Variants in EMID1 observed in about 807,000 individuals in gnomAD.
The protein encoded by EMID1 is EMI domain-containing protein 1.
Under a neutral mutation model 60.6 loss-of-function variants are expected in EMID1, and 40 were observed. The observed-to-expected ratio is 0.66, with a 90% CI of 0.51 to 0.86. EMID1 has a LOEUF of 0.86. Among genes scored for constraint, EMID1 ranks in the 40% least tolerant of loss-of-function variants. EMID1 has a pLI of 0.00. For synonymous variants in EMID1, 242 were observed against 231.0 expected (o/e 1.05, Z -0.43); for missense variants, 585 against 597.1 (o/e 0.98, Z 0.21).
intron 14 of EMID1, chr22:29,255,377 G>A: frequency 7.0e-7 from 1 of 1,437,778 alleles, no homozygotes. Context: ...GGCAGGGCGG[G>A]CAGGCAGGGG....
intron 3 of EMID1, among the ~76,000 whole-genome samples, chr22:29,219,032 T>G (rs2040191901): frequency 6.6e-6 from 1 of 151,812 alleles, no homozygotes; most frequent in Admixed American, 6.6e-5. Context: ...CGCTGCAAGG[T>G]TTACCCCCTG....
At chr22:29,233,735 A>C in intron 10 of EMID1, 69 bp downstream of exon 10, 1 of 1,410,740 alleles carries the variant, frequency 7.1e-7, no homozygotes. Flanking sequence ...ACATCCATAC[A>C]TCTGTCCATC....
chr22:29,233,955 G>A, intron 10 of EMID1, 182 bp from the exon 11 acceptor site: 1 of 713,668 alleles, frequency 1.4e-6, no homozygotes, highest in Non-Finnish European at 2.3e-6. Context: ...GGGACTGTCT[G>A]ACTCCAGGAT....
At chr22:29,215,783 C>T (rs555955755) in intron 3 of EMID1, among the ~76,000 whole-genome samples, 153 bp downstream of exon 3, 199 of 152,240 alleles carry the variant, frequency 1.3e-3, no homozygotes, top group Middle Eastern at 6.8e-3. Flanking sequence ...ACAGTCAGTG[C>T]TTGTTGTCCC....
In EMID1 at chr22:29,206,014, G is replaced by A; in HGVS notation, c.-25G>A. On this transcript the variant is annotated 5_prime_UTR_variant, in exon 1 of 15. Transcript: ENST00000334018. ...CTGGGGGCGGCGACCGCGAGGGGCCGCGCGCGGAGGGCGCCTGGTGCAGCA... is the reference window on the plus strand; with the variant it reads ...CTGGGGGCGGCGACCGCGAGGGGCCACGCGCGGAGGGCGCCTGGTGCAGCA... The A allele has an allele frequency of 2.5e-6, 3 of 1,204,564 alleles. No homozygotes were observed. The highest frequency in any genetic ancestry group is 2.1e-6 in the Non-Finnish European group (2 of 969,754). The allele number at this position is 1,204,564 out of a possible 1,614,324, so 74.6% of individuals were successfully genotyped here.
rs1320903216 is a variant in EMID1 at position 29,240,093 on chromosome 22, G to A, written c.1075-3352G>A. On this transcript the variant is annotated intron_variant, in intron 12 of 14. Coordinates refer to ENST00000334018, the MANE Select transcript of EMID1 (RefSeq NM_133455.4). ...CTCCCAAAGTGCTAGGATTGTAGGT[G>A]TGAGCCACTGCACCTGGCCTAGGTC... is the stretch of plus-strand genomic sequence containing the variant. Among the ~76,000 whole-genome samples the A allele has an allele frequency of 2.0e-5, 3 of 152,200 alleles. No individual in the cohort carries two copies. In the East Asian group the frequency reaches 5.8e-4, roughly 29 times the overall value.
chr22:29,226,294 G>T, intron 4 of EMID1, 196 bp from the exon 5 acceptor site: 1 of 503,958 alleles, frequency 2.0e-6, no homozygotes, highest in East Asian at 3.7e-5. Flanking sequence ...AGGCTCCAGT[G>T]CCAAAAGGAA....
chr22:29,207,622 A>G (rs132369), intron 1 of EMID1, among the ~76,000 whole-genome samples: 115,944 of 152,106 alleles, frequency 0.76, 45,794 homozygotes, highest in Non-Finnish European at 0.88. Flanking sequence ...CTGGGTGGGA[A>G]CAGGATGATG....
intron 5 of EMID1, among the ~76,000 whole-genome samples, chr22:29,230,136 C>T (rs1439727178): frequency 6.6e-6 from 1 of 152,084 alleles, no homozygotes; most frequent in African/African-American, 2.4e-5. Context: ...AGTTTGAGAC[C>T]AGCCTGGCCA....
At chr22:29,232,137 G>A (rs1235440982) in intron 7 of EMID1, 119 bp from the exon 8 acceptor site, 1 of 1,186,842 alleles carries the variant, frequency 8.4e-7, no homozygotes, top group Non-Finnish European at 1.2e-6. Flanking sequence ...GCCTAGGCCT[G>A]TGGACTCCGG....
intron 3 of EMID1, chr22:29,216,403 C>T: frequency 2.0e-6 from 2 of 985,440 alleles, no homozygotes; most frequent in Non-Finnish European, 2.4e-6. Context: ...GATTTTTGGA[C>T]ACCAAGAGCT....
rs547497166 is a variant in EMID1, at chr22:29,234,069, C to G, written c.967-68C>G. On this transcript the variant is annotated intron_variant, in intron 10 of 14. Coordinates refer to ENST00000334018, the MANE Select transcript of EMID1 (RefSeq NM_133455.4). ...AGCTTGAGCGCCCTCCCCAACACCT[C>G]TGTTCCCAAGCCCCTGCCCACTCCA... 2.7e-4 allele frequency: 411 copies of G among 1,538,870 alleles called. 4 individuals carry two copies. In the South Asian group the frequency reaches 2.8e-3, roughly 10 times the overall value.
intron 3 of EMID1, among the ~76,000 whole-genome samples, chr22:29,216,033 G>A (rs926636480): frequency 2.0e-5 from 3 of 152,174 alleles, no homozygotes; most frequent in African/African-American, 7.2e-5. Flanking sequence ...CTATCCTGCA[G>A]ATGAGGAAAC....
At chr22:29,231,761 G>C in intron 7 of EMID1, 79 bp downstream of exon 7, 1 of 1,339,300 alleles carries the variant, frequency 7.5e-7, no homozygotes, top group Non-Finnish European at 9.9e-7. Context: ...TCCTGACATG[G>C]CCAGGATGAC....
chr22:29,246,736 G>A (rs887215379), intron 13 of EMID1, among the ~76,000 whole-genome samples: 1 of 152,202 alleles, frequency 6.6e-6, no homozygotes, highest in East Asian at 1.9e-4. Flanking sequence ...GTTGTCATCA[G>A]TGCAAACATC....
At chr22:29,211,460 T>G (rs1823909299) in intron 1 of EMID1, among the ~76,000 whole-genome samples, 1 of 152,206 alleles carries the variant, frequency 6.6e-6, no homozygotes, top group South Asian at 2.1e-4. Context: ...ACGTGCTCAC[T>G]GCAGTGCGTA....
intron 5 of EMID1, among the ~76,000 whole-genome samples, chr22:29,227,408 T>A (rs542365076): frequency 1.1e-3 from 170 of 151,546 alleles, no homozygotes; most frequent in Middle Eastern, 3.4e-3. Flanking sequence ...TTTTTTTTTT[T>A]AAATTAAAAA....
At chr22:29,208,340 G>T (rs1441725987) in intron 1 of EMID1, among the ~76,000 whole-genome samples, 1 of 152,170 alleles carries the variant, frequency 6.6e-6, no homozygotes, top group African/African-American at 2.4e-5. Context: ...CCCCAGGAAG[G>T]TGGTGACACT....
In EMID1 at chr22:29,232,350, C is replaced by T. The variant is rs754539460; in HGVS notation, c.771C>T (p.Pro257=). ...GPPGPPGPPG[P]PGPPAPVGPP... ...CTGGGCCACCAGGGCCTCCTGGCCC[C>T]CCTGGGCCCCCAGCCCCTGTTGGGC... The change falls in exon 8 of 15, where the codon CCC becomes CCT. Residue 257 remains proline, a synonymous_variant. Transcript: ENST00000334018. 3 of 1,606,102 alleles carry T rather than the reference C, an allele frequency of 1.9e-6. No homozygotes were observed. The highest frequency in any genetic ancestry group is 1.7e-6 in the Non-Finnish European group (2 of 1,176,926).
Sources: allele counts gnomAD v4.1 joint callset (sites outside exome capture counted in the v4.1 genomes callset), GRCh38; gene constraint gnomAD v4.1.1; transcripts MANE v1.5; gene names NCBI Gene and HGNC (gene_info 2026-07-23, HGNC 2026-07-21).